The following TPP2 variants were observed in gnomAD, a reference collection of about 807,000 sequenced individuals.
TPP2 encodes tripeptidyl peptidase 2.
In TPP2, 34 loss-of-function variants were observed where a neutral mutation model predicts 155.9. The observed-to-expected ratio is 0.22, with a 90% CI of 0.17 to 0.29. The LOEUF (loss-of-function observed/expected upper bound fraction) is 0.29. TPP2 is among the 10% of genes least tolerant of loss of function. The probability of loss-of-function intolerance (pLI) is 1.00; values close to 1 mark genes in which losing one functional copy is unlikely to be tolerated. For missense variants in TPP2, 1,028 were observed against 1,522.3 expected, an observed-to-expected ratio of 0.68 and a Z score of 5.40; for synonymous variants, 510 against 529.4, an observed-to-expected ratio of 0.96 and a Z score of 0.50.
intron 2 of TPP2, among the ~76,000 whole-genome samples, chr13:102,610,290 G>A (rs1880182184): frequency 6.6e-6 from 1 of 151,942 alleles, no homozygotes; most frequent in South Asian, 2.1e-4. Context: ...GTGCAGTGGT[G>A]TGATCTTGGC....
intron 6 of TPP2, among the ~76,000 whole-genome samples, chr13:102,624,506 G>T (rs573190367): frequency 7.0e-4 from 107 of 152,172 alleles, no homozygotes; most frequent in African/African-American, 2.5e-3. Flanking sequence ...CTATTATCCA[G>T]CCTTTCTCCA....
At chr13:102,614,753 A>G (rs1262818291) in intron 3 of TPP2, among the ~76,000 whole-genome samples, 1 of 152,198 alleles carries the variant, frequency 6.6e-6, no homozygotes, top group African/African-American at 2.4e-5. Context: ...CTGCTTTAAA[A>G]CAGTTCAATA....
intron 5 of TPP2, among the ~76,000 whole-genome samples, chr13:102,620,025 G>T (rs1395615926): frequency 1.3e-5 from 2 of 152,140 alleles, no homozygotes; most frequent in African/African-American, 4.8e-5. Flanking sequence ...TACTACAAAA[G>T]AACTTAAAGA....
chr13:102,663,270 C>T (rs897308035), intron 25 of TPP2, among the ~76,000 whole-genome samples: 1 of 152,200 alleles, frequency 6.6e-6, no homozygotes, highest in Non-Finnish European at 1.5e-5. Flanking sequence ...GCCTCAGCCT[C>T]CCGAGTATCT....
chr13:102,655,794 T>C (rs984798090), intron 24 of TPP2, among the ~76,000 whole-genome samples: 1 of 152,050 alleles, frequency 6.6e-6, no homozygotes, highest in Non-Finnish European at 1.5e-5. Context: ...AGTTCCTTCC[T>C]TCTTCGTCGT....
intron 2 of TPP2, among the ~76,000 whole-genome samples, chr13:102,605,676 T>G (rs1179288331): frequency 4.6e-5 from 7 of 151,984 alleles, no homozygotes; most frequent in Non-Finnish European, 1.0e-4. Flanking sequence ...ATAGTAGCTG[T>G]TAACTTAAAT....
rs1438638839 is a variant in TPP2, at chr13:102,678,211, T to C, written c.3700-16T>C. The C allele has an allele frequency of 3.8e-6, 6 of 1,596,294 alleles. No individual in the cohort carries two copies. The highest frequency in any genetic ancestry group is 5.1e-6 in the Non-Finnish European group (6 of 1,171,792). ...TCACTTCCTTTATAATAATATATTA[T>C]TGTATTTTGTTGTAGCTGATGAAGT... is the stretch of plus-strand genomic sequence containing the variant. On this transcript the variant is annotated splice_polypyrimidine_tract_variant and intron_variant, in intron 29 of 29. Transcript: ENST00000376052.
intron 27 of TPP2, 127 bp downstream of exon 27, chr13:102,665,052 C>G: frequency 1.7e-6 from 2 of 1,197,432 alleles, no homozygotes; most frequent in African/African-American, 1.6e-5. Flanking sequence ...TGGGAATTAT[C>G]ACTATTTGGA....
At chr13:102,626,724 C>T (rs1252825164) in intron 6 of TPP2, among the ~76,000 whole-genome samples, 1 of 152,002 alleles carries the variant, frequency 6.6e-6, no homozygotes, top group African/African-American at 2.4e-5. Context: ...GTTTATTTGC[C>T]CTTTGGGTAT....
chr13:102,603,219 C>G (rs1419200489), intron 1 of TPP2, among the ~76,000 whole-genome samples: 2 of 152,192 alleles, frequency 1.3e-5, no homozygotes, highest in African/African-American at 4.8e-5. Flanking sequence ...GAATGCCTGA[C>G]AGGCACTGCT....
chr13:102,663,765 T>C (rs1287868393), intron 26 of TPP2, 21 bp downstream of exon 26: 24 of 1,531,478 alleles, frequency 1.6e-5, no homozygotes, highest in Non-Finnish European at 2.1e-5. Flanking sequence ...TTCATTCTGA[T>C]ATATCTTATT....
chr13:102,623,046 C>G lies in TPP2; in HGVS notation c.784+6C>G, dbSNP rs1463193736. The G allele has an allele frequency of 2.5e-6, 4 of 1,608,058 alleles. No homozygotes were observed. Among genetic ancestry groups the G allele is most frequent in the African/African-American group, 2.7e-5 (2 of 74,486 alleles). ...CTCCATTGTGACCAGTGGAGGTATC[C>G]CATTTCAGATTGACCAATGAGATAT... is the stretch of plus-strand genomic sequence containing the variant. On this transcript the variant is annotated splice_donor_region_variant and intron_variant, in intron 6 of 29. Transcript: ENST00000376052.
chr13:102,635,504 T>C (rs1882309802), intron 11 of TPP2, 83 bp from the exon 12 acceptor site: 5 of 931,482 alleles, frequency 5.4e-6, no homozygotes, highest in Non-Finnish European at 8.5e-6. Context: ...CCAGAGGGTC[T>C]ACAGGTGATC....
intron 4 of TPP2, among the ~76,000 whole-genome samples, chr13:102,617,806 A>G (rs1026321733): frequency 6.6e-6 from 1 of 152,210 alleles, no homozygotes; most frequent in Admixed American, 6.5e-5. Flanking sequence ...TGACTGCTCA[A>G]CACTCCCCTT....
Position 102,627,829 on chromosome 13 carries a change from G to A in TPP2, c.940-19G>A, listed in dbSNP as rs1881746195. 6.3e-7 allele frequency: 1 copy of A among 1,590,508 alleles called. No individual in the cohort carries two copies. The highest frequency in any genetic ancestry group is 1.7e-5 in the Admixed American group (1 of 59,418). On this transcript the variant is annotated intron_variant, in intron 7 of 29. Coordinates refer to ENST00000376052, the MANE Select transcript of TPP2 (RefSeq NM_001330588.2). ...TCTGTAAATTGCTGCCTAAACTAGA[G>A]TCTTAATCTCTTTAATAGATGATAG...
intron 7 of TPP2, 58 bp from the exon 8 acceptor site, chr13:102,627,790 C>A: frequency 7.8e-7 from 1 of 1,274,912 alleles, no homozygotes; most frequent in Non-Finnish European, 1.1e-6. Context: ...CCTTATTTTA[C>A]TGGCTAATCT....
At chr13:102,659,104 T>C (rs1884039922) in intron 25 of TPP2, among the ~76,000 whole-genome samples, 1 of 152,174 alleles carries the variant, frequency 6.6e-6, no homozygotes. Flanking sequence ...CCTAATTTCT[T>C]GCTGAAGGAA....
intron 8 of TPP2, 113 bp downstream of exon 8, chr13:102,628,037 T>G: frequency 1.2e-6 from 1 of 832,228 alleles, no homozygotes; most frequent in Non-Finnish European, 1.9e-6. Context: ...GTTGCAGTGG[T>G]TAGATGATAA....
chr13:102,661,250 C>CTT (rs35157211), intron 25 of TPP2, among the ~76,000 whole-genome samples: 25,367 of 124,020 alleles, frequency 0.2, 3,424 homozygotes, highest in East Asian at 0.31. Flanking sequence ...GAACGCTAAC[C>CTT]TTTTTTTTTT....
Sources: allele counts gnomAD v4.1 joint callset (sites outside exome capture counted in the v4.1 genomes callset), GRCh38; gene constraint gnomAD v4.1.1; transcripts MANE v1.5; gene names NCBI Gene and HGNC (gene_info 2026-07-23, HGNC 2026-07-21).